OSBPL6: variants seen among roughly 807,000 people sequenced by gnomAD.
OSBPL6 encodes oxysterol binding protein like 6, also known as oxysterol-binding protein-related protein 6.
A neutral mutation model predicts 125.8 loss-of-function variants in OSBPL6; 49 were observed. That is an observed-to-expected ratio of 0.39 (90% confidence interval 0.31 to 0.49). The LOEUF (loss-of-function observed/expected upper bound fraction) is 0.49, where lower values mean the gene tolerates loss of function less well. OSBPL6 is among the 20% of genes least tolerant of loss of function. The pLI, the probability that OSBPL6 is intolerant of heterozygous loss-of-function variation, is 0.88. For synonymous variants in OSBPL6, 394 were observed against 391.8 expected, an observed-to-expected ratio of 1.01 and a Z score of -0.07; for missense variants, 986 against 1,135.4, an observed-to-expected ratio of 0.87 and a Z score of 1.89.
At chr2:178,287,219 C>T (rs1173510057) in intron 2 of OSBPL6, among the ~76,000 whole-genome samples, 1 of 150,508 alleles carries the variant, frequency 6.6e-6, no homozygotes. Context: ...TCCCATAATG[C>T]ATTTAGAGTC....
At chr2:178,280,531 G>A (rs973730412) in intron 1 of OSBPL6, among the ~76,000 whole-genome samples, 2 of 152,110 alleles carry the variant, frequency 1.3e-5, no homozygotes, top group African/African-American at 2.4e-5. Flanking sequence ...CAGAATATTC[G>A]CATGAACATT....
At chr2:178,198,706 T>G (rs917870556) in intron 1 of OSBPL6, among the ~76,000 whole-genome samples, 4 of 152,170 alleles carry the variant, frequency 2.6e-5, no homozygotes, top group Non-Finnish European at 4.4e-5. Context: ...GGTGTTTTCC[T>G]TATCTGTAAT....
Position 178,375,845 on chromosome 2 carries a change from A to T in OSBPL6, c.1533+1818A>T, listed in dbSNP as rs919339800. On this transcript the variant is annotated intron_variant, in intron 15 of 24. Coordinates refer to ENST00000190611, the MANE Select transcript of OSBPL6 (RefSeq NM_032523.4). ...AGATATTTCCAAGTCCCTGGGGCAC[A>T]CCCCAGCTGGGACCCCAGGTACTGC... is the stretch of plus-strand genomic sequence containing the variant. Among the ~76,000 whole-genome samples, 10 of 152,134 alleles carry T rather than the reference A, an allele frequency of 6.6e-5. No individual in the cohort carries two copies. In the South Asian group the frequency reaches 1.9e-3, roughly 28 times the overall value.
intron 3 of OSBPL6, among the ~76,000 whole-genome samples, chr2:178,321,021 C>T (rs930614445): frequency 6.6e-6 from 1 of 151,996 alleles, no homozygotes; most frequent in East Asian, 1.9e-4. Context: ...CGTGGTGGCA[C>T]GCACCTGTAA....
Position 178,395,656 on chromosome 2 carries a change from A to G in OSBPL6, c.*97A>G. 1.1e-6 allele frequency: 1 copy of G among 891,312 alleles called. No homozygotes were observed. The highest frequency in any genetic ancestry group is 1.7e-6 in the Non-Finnish European group (1 of 571,534). The allele number at this position is 891,312 out of a possible 1,614,324, so 55.2% of individuals were successfully genotyped here. A position where few individuals can be genotyped will look rare whatever the true frequency, so the allele number is the denominator to read the frequency against. On this transcript the variant is annotated 3_prime_UTR_variant, in exon 25 of 25. Transcript: ENST00000190611. ...ATAGCTATGTGTGGTTTCTGGGTCA[A>G]CTGAAAACCTACCATTTGCTTTTCT...
chr2:178,252,041 G>T (rs960851763), intron 1 of OSBPL6, among the ~76,000 whole-genome samples: 3 of 152,158 alleles, frequency 2.0e-5, no homozygotes, highest in African/African-American at 7.2e-5. Context: ...TGCTCTCTGA[G>T]CACTTGGAGA....
chr2:178,353,436 A>C (rs573169143), intron 12 of OSBPL6, among the ~76,000 whole-genome samples: 53 of 152,356 alleles, frequency 3.5e-4, no homozygotes, highest in African/African-American at 1.3e-3. Flanking sequence ...TGGCACAAGA[A>C]CTTTGTGATG....
rs553272518 is a variant in OSBPL6, at chr2:178,252,949, G to A, written c.-350-31978G>A. Among the ~76,000 whole-genome samples the A allele has an allele frequency of 3.6e-4, 55 of 152,186 alleles. 2 individuals carry two copies. The highest frequency in any genetic ancestry group is 3.9e-4 in the East Asian group (2 of 5,180). On this transcript the variant is annotated intron_variant, in intron 1 of 24. Coordinates refer to ENST00000190611, the MANE Select transcript of OSBPL6 (RefSeq NM_032523.4). Reference sequence around the variant, plus strand: ...ATAAGGGACCACTGTTTTCTCTGCCGCTCTTGGACATCCCCTACAGAGTGG... The same window carrying A: ...ATAAGGGACCACTGTTTTCTCTGCCACTCTTGGACATCCCCTACAGAGTGG...
At chr2:178,233,698 G>A (rs1322738107) in intron 1 of OSBPL6, among the ~76,000 whole-genome samples, 1 of 152,150 alleles carries the variant, frequency 6.6e-6, no homozygotes, top group Non-Finnish European at 1.5e-5. Context: ...CCTGGAGGCT[G>A]AACTTTGGCA....
At chr2:178,341,140 G>A (rs566965020) in intron 11 of OSBPL6, among the ~76,000 whole-genome samples, 2 of 152,174 alleles carry the variant, frequency 1.3e-5, no homozygotes, top group South Asian at 4.2e-4. Flanking sequence ...ATTGAAGAAG[G>A]CCTGCATCAC....
intron 3 of OSBPL6, among the ~76,000 whole-genome samples, chr2:178,317,128 GT>G (rs1363083747): frequency 6.6e-6 from 1 of 151,838 alleles, no homozygotes; most frequent in East Asian, 1.9e-4. Flanking sequence ...TATTATATGA[GT>G]TTGTGTGTGT....
intron 1 of OSBPL6, among the ~76,000 whole-genome samples, chr2:178,277,071 T>C (rs1354941995): frequency 6.6e-6 from 1 of 152,220 alleles, no homozygotes; most frequent in African/African-American, 2.4e-5. Context: ...ATCTAAAATA[T>C]TCACTGATCT....
chr2:178,381,053 T>G (rs73034339), intron 15 of OSBPL6, among the ~76,000 whole-genome samples: 10,985 of 152,258 alleles, frequency 0.072, 728 homozygotes, highest in East Asian at 0.19. Context: ...TTCTAATTTT[T>G]TACAATAAGA....
At position 178,379,147 on chromosome 2, in the gene OSBPL6, C is replaced by A. The variant is rs925638542; in HGVS notation, c.1534-3273C>A. The stretch of plus-strand genomic sequence containing the variant: ...TGATTGTACCATTGTACTCCAGCCT[C>A]GGTGACAGAAAGAGATCCTGTATCA... On this transcript the variant is annotated intron_variant, in intron 15 of 24. Coordinates refer to ENST00000190611, the MANE Select transcript of OSBPL6 (RefSeq NM_032523.4). Among the ~76,000 whole-genome samples, 5 of 148,246 alleles carry A rather than the reference C, an allele frequency of 3.4e-5. No homozygotes were observed. The Admixed American group carries it at 3.4e-4, about 10-fold the overall frequency.
intron 2 of OSBPL6, among the ~76,000 whole-genome samples, chr2:178,296,279 G>A (rs1685743343): frequency 6.6e-6 from 1 of 152,152 alleles, no homozygotes; most frequent in Non-Finnish European, 1.5e-5. Context: ...TAGATGATTA[G>A]CACTGCCATT....
Position 178,280,863 on chromosome 2 carries a change from CTT to C in OSBPL6, c.-350-4062_-350-4061del, listed in dbSNP as rs200201012. Among the ~76,000 whole-genome samples, 1,418 of 152,166 alleles carry C rather than the reference CTT, an allele frequency of 9.3e-3. 14 individuals carry two copies. Among genetic ancestry groups the C allele is most frequent in the Middle Eastern group, 0.02 (6 of 294 alleles). ...TCCTTGTAGACTCTGGTTATTAGAC[CTT>C]TGTCAGAGATGGATAGATTGCAAAA... On this transcript the variant is annotated intron_variant, in intron 1 of 24. Transcript: ENST00000190611.
chr2:178,372,404 G>A (rs1285552785), intron 14 of OSBPL6, among the ~76,000 whole-genome samples, 171 bp downstream of exon 14: 1 of 152,076 alleles, frequency 6.6e-6, no homozygotes, highest in Non-Finnish European at 1.5e-5. Flanking sequence ...ATAAGAGCTT[G>A]ACATCATTTA....
chr2:178,326,612 G>A (rs931903675), intron 4 of OSBPL6, among the ~76,000 whole-genome samples: 1 of 152,056 alleles, frequency 6.6e-6, no homozygotes, highest in Non-Finnish European at 1.5e-5. Context: ...GAACATAGAA[G>A]GTTCTATTTT....
intron 1 of OSBPL6, among the ~76,000 whole-genome samples, chr2:178,275,964 G>C (rs1482462753): frequency 6.6e-6 from 1 of 152,358 alleles, no homozygotes. Flanking sequence ...CACAGAGCTA[G>C]TAAGTCACTT....
Sources: gnomAD v4.1 joint callset for allele counts (sites outside exome capture counted in the v4.1 genomes callset) on GRCh38, gnomAD v4.1.1 for gene constraint, MANE v1.5 for transcripts, NCBI Gene and HGNC (gene_info 2026-07-23, HGNC 2026-07-21) for gene names.